The following URI1 variants were observed in gnomAD, a reference collection of about 807,000 sequenced individuals.
The protein encoded by URI1 is unconventional prefoldin RPB5 interactor 1.
Under a neutral mutation model 60.2 loss-of-function variants are expected in URI1, and 39 were observed. The ratio of observed to expected loss-of-function variants is 0.65; its 90% CI spans 0.50 to 0.85. URI1 has a LOEUF of 0.85. Ranked by LOEUF, URI1 falls within the 40% of genes least tolerant of loss-of-function variation. The pLI, the probability that URI1 is intolerant of heterozygous loss-of-function variation, is 0.00. For synonymous variants in URI1, 251 were observed against 236.8 expected, an observed-to-expected ratio of 1.06 and a Z score of -0.55; for missense variants, 691 against 665.9, an observed-to-expected ratio of 1.04 and a Z score of -0.42.
chr19:30,003,840 A>G (rs750259388), intron 4 of URI1, among the ~76,000 whole-genome samples: 7 of 152,030 alleles, frequency 4.6e-5, no homozygotes, highest in Non-Finnish European at 8.8e-5. Context: ...AAAGTTATTG[A>G]TTTGACCTCC....
rs563711919 is a variant in URI1, at chr19:29,933,940, C to T, written c.63+10186C>T. Among the ~76,000 whole-genome samples, 40 of 124,704 alleles carry T rather than the reference C, an allele frequency of 3.2e-4. 1 individual carries two copies. In the South Asian group the frequency reaches 7.0e-3, roughly 22 times the overall value. The allele number at this position is 124,704 out of a possible 152,430, so 81.8% of individuals were successfully genotyped here. The stretch of plus-strand genomic sequence containing the variant: ...TCCTTCTTTCTTTTTCTTTTCTTCC[C>T]TTTTTTTTTTTTTGAGATGAAGTCT... On this transcript the variant is annotated intron_variant, in intron 1 of 10. Transcript: ENST00000360605.
chr19:29,992,937 G>C (rs999137628), intron 4 of URI1, among the ~76,000 whole-genome samples: 1 of 152,178 alleles, frequency 6.6e-6, no homozygotes, highest in African/African-American at 2.4e-5. Flanking sequence ...CACATTTCTA[G>C]TCATTAGTCC....
chr19:29,955,808 C>T (rs1423498886), intron 1 of URI1, among the ~76,000 whole-genome samples: 1 of 151,838 alleles, frequency 6.6e-6, no homozygotes, highest in Non-Finnish European at 1.5e-5. Context: ...CCAGGCAGGT[C>T]TCAAACTCCT....
At chr19:29,988,983 A>G (rs2055708333) in intron 4 of URI1, among the ~76,000 whole-genome samples, 1 of 152,142 alleles carries the variant, frequency 6.6e-6, no homozygotes, top group Non-Finnish European at 1.5e-5. Context: ...GAATAGGTGT[A>G]TAGTGATTTT....
chr19:30,005,223 T>G lies in URI1; in HGVS notation c.368-138T>G. On this transcript the variant is annotated intron_variant, in intron 4 of 10. Coordinates refer to ENST00000392271, the MANE Select transcript of URI1 (RefSeq NM_003796.3). ...CAGTATAACTTATTAAAAGTCCATT[T>G]AAAAGGAAAATAGTGTAAGATTTTT... 3 of 551,134 alleles carry G rather than the reference T, an allele frequency of 5.4e-6. No individual in the cohort carries two copies. In the South Asian group the frequency reaches 7.9e-5, roughly 15 times the overall value. The allele number at this position is 551,134 out of a possible 1,614,324, so 34.1% of individuals were successfully genotyped here. A position where few individuals can be genotyped will look rare whatever the true frequency, so the allele number is the denominator to read the frequency against.
At chr19:30,008,883 T>C in intron 7 of URI1, 122 bp from the exon 8 acceptor site, 1 of 825,094 alleles carries the variant, frequency 1.2e-6, no homozygotes, top group Middle Eastern at 3.2e-4. Flanking sequence ...GAACTTAGAA[T>C]TCTAGTTTTA....
chr19:29,978,449 G>GT (rs1323989207), intron 2 of URI1, among the ~76,000 whole-genome samples: 1 of 151,976 alleles, frequency 6.6e-6, no homozygotes, highest in Non-Finnish European at 1.5e-5. Flanking sequence ...TGTCTCAACT[G>GT]TATTAGGTTT....
intron 1 of URI1, among the ~76,000 whole-genome samples, chr19:29,943,538 TTAG>T (rs1449469939): frequency 6.6e-6 from 1 of 152,190 alleles, no homozygotes; most frequent in African/African-American, 2.4e-5. Flanking sequence ...TTATAAAGGG[TTAG>T]GAAGTTGCTT....
At chr19:29,956,525 T>A in intron 1 of URI1, 1 of 1,562,768 alleles carries the variant, frequency 6.4e-7, no homozygotes, top group Non-Finnish European at 8.7e-7. Flanking sequence ...GCTGCTGAAT[T>A]TGAAACAAGC....
chr19:29,965,870 G>A (rs1272150232), intron 1 of URI1, among the ~76,000 whole-genome samples: 1 of 152,198 alleles, frequency 6.6e-6, no homozygotes, highest in African/African-American at 2.4e-5. Flanking sequence ...GACATAGTCC[G>A]ATATTTGTGT....
At position 29,996,409 on chromosome 19, in the gene URI1, T is replaced by G. The variant is rs137912328; in HGVS notation, c.368-8952T>G. Among the ~76,000 whole-genome samples, 96 of 152,310 alleles carry G rather than the reference T, an allele frequency of 6.3e-4. 1 individual carries two copies. Among genetic ancestry groups the G allele is most frequent in the African/African-American group, 2.3e-3 (94 of 41,580 alleles). ...CATTGTTAGTGCATAGAAATGCAGT[T>G]GATTTTTGTGTGTTGATTTTGCATC... is the stretch of plus-strand genomic sequence containing the variant. On this transcript the variant is annotated intron_variant, in intron 4 of 10. Coordinates refer to ENST00000392271, the MANE Select transcript of URI1 (RefSeq NM_003796.3).
chr19:30,007,645 G>C lies in URI1; in HGVS notation c.686+7G>C, dbSNP rs564469480. 24 of 1,576,594 alleles carry C rather than the reference G, an allele frequency of 1.5e-5. No individual in the cohort carries two copies. The South Asian group carries it at 2.6e-4, about 17-fold the overall frequency. On this transcript the variant is annotated splice_region_variant and intron_variant, in intron 7 of 10. Coordinates refer to ENST00000392271, the MANE Select transcript of URI1 (RefSeq NM_003796.3). The stretch of plus-strand genomic sequence containing the variant: ...TGCTGGGTGAACTTGATAGGTACTT[G>C]ATGACAAATTATCTTTCCAAGATAA...
At chr19:29,996,476 G>GTTTT (rs1238305650) in intron 4 of URI1, among the ~76,000 whole-genome samples, 1 of 144,206 alleles carries the variant, frequency 6.9e-6, no homozygotes, top group Non-Finnish European at 1.5e-5. Flanking sequence ...TTACAAGGGT[G>GTTTT]TTTTGTGTGT....
At chr19:29,962,917 A>G (rs528290393) in intron 1 of URI1, among the ~76,000 whole-genome samples, 105 of 152,240 alleles carry the variant, frequency 6.9e-4, no homozygotes, top group African/African-American at 2.2e-3. Flanking sequence ...CAGCATTTCA[A>G]GATACTCTGT....
chr19:29,941,207 A>T (rs1410688772), upstream of URI1, among the ~76,000 whole-genome samples: 1 of 152,202 alleles, frequency 6.6e-6, no homozygotes, highest in East Asian at 1.9e-4. Flanking sequence ...AACACGACCC[A>T]TCTTTACTGC....
rs1474299756 is a variant in URI1, at chr19:29,965,162, T to C, written c.118-6031T>C. 4.6e-5 allele frequency among the ~76,000 whole-genome samples: 7 copies of C among 152,256 alleles called. No homozygotes were observed. The East Asian group carries it at 1.3e-3, about 29-fold the overall frequency. On this transcript the variant is annotated intron_variant, in intron 1 of 10. Transcript: ENST00000392271. ...GTGCAGATCCTATAGTGGTCTTTCT[T>C]TTAGGACCAGAATCTGTAATCACCT... is the stretch of plus-strand genomic sequence containing the variant.
At position 30,015,174 on chromosome 19, in the gene URI1, G is replaced by A. The variant is rs1487890665; in HGVS notation, c.*105G>A. 6.8e-7 allele frequency: 1 copy of A among 1,466,546 alleles called. No individual in the cohort carries two copies. Among genetic ancestry groups the A allele is most frequent in the East Asian group, 2.4e-5 (1 of 41,184 alleles). 90.8% of individuals were successfully genotyped at this position (1,466,546 alleles called of 1,614,324 possible). A position where few individuals can be genotyped will look rare whatever the true frequency, so the allele number is the denominator to read the frequency against. Reference sequence around the variant, plus strand: ...CATGTAGTTTGAAATAAGGTATCCTGAGTTACTTTGGCAACAAGTTCTTTT... The same window carrying A: ...CATGTAGTTTGAAATAAGGTATCCTAAGTTACTTTGGCAACAAGTTCTTTT... On this transcript the variant is annotated 3_prime_UTR_variant, in exon 11 of 11. Transcript: ENST00000392271.
At chr19:29,940,914 A>G (rs12982602), upstream of URI1, among the ~76,000 whole-genome samples, 125,141 of 152,124 alleles carry the variant, frequency 0.82, 52,423 homozygotes, top group Non-Finnish European at 0.9. Context: ...GGGGATGGAG[A>G]GAGGATGGTG....
At chr19:29,967,435 T>TA (rs1437439508) in intron 1 of URI1, among the ~76,000 whole-genome samples, 4 of 152,222 alleles carry the variant, frequency 2.6e-5, no homozygotes, top group African/African-American at 4.8e-5. Flanking sequence ...TACACAGATA[T>TA]ACTAGTAAAT....
Sources: allele counts gnomAD v4.1 joint callset (sites outside exome capture counted in the v4.1 genomes callset), GRCh38; gene constraint gnomAD v4.1.1; transcripts MANE v1.5; gene names NCBI Gene and HGNC (gene_info 2026-07-23, HGNC 2026-07-21).